NECTIN3: variants seen among roughly 807,000 people sequenced by gnomAD.
The protein encoded by NECTIN3 is nectin-3.
A neutral mutation model predicts 49.4 loss-of-function variants in NECTIN3; 8 were observed. That is an observed-to-expected ratio of 0.16 (90% CI 0.10 to 0.29). The LOEUF (loss-of-function observed/expected upper bound fraction) is 0.29, where lower values mean the gene tolerates loss of function less well. Among genes scored for constraint, NECTIN3 ranks in the 10% least tolerant of loss-of-function variants. NECTIN3 has a pLI of 1.00. For missense variants in NECTIN3, 581 were observed against 654.6 expected, an observed-to-expected ratio of 0.89 and a Z score of 1.23; for synonymous variants, 277 against 241.1, an observed-to-expected ratio of 1.15 and a Z score of -1.38.
intron 1 of NECTIN3, among the ~76,000 whole-genome samples, chr3:111,098,553 T>C (rs2032722725): frequency 6.6e-6 from 1 of 152,196 alleles, no homozygotes; most frequent in African/African-American, 2.4e-5. Flanking sequence ...ACTCTGTGTA[T>C]TTTCTGTAAG....
rs903737212 is a variant in NECTIN3 at position 111,148,752 on chromosome 3, G to C, written c.1221+1268G>C. On this transcript the variant is annotated intron_variant, in intron 7 of 8. Coordinates refer to the NECTIN3 transcript ENST00000493615. ...GATTTTTGGTTTCTTTTTGAACTTT[G>C]CTTCTTAGTTTTTTAGGAACTCTTT... is the stretch of plus-strand genomic sequence containing the variant. 2.6e-5 allele frequency among the ~76,000 whole-genome samples: 4 copies of C among 151,774 alleles called. No homozygotes were observed. In the South Asian group the frequency reaches 8.3e-4, roughly 31 times the overall value.
downstream of NECTIN3, among the ~76,000 whole-genome samples, chr3:111,140,182 C>G (rs1157596322): frequency 6.6e-6 from 1 of 151,648 alleles, no homozygotes; most frequent in Non-Finnish European, 1.5e-5. Flanking sequence ...TCATCCCAAC[C>G]ACTATTTTTA....
chr3:111,106,263 A>G (rs905676640), intron 1 of NECTIN3, among the ~76,000 whole-genome samples: 5 of 152,292 alleles, frequency 3.3e-5, no homozygotes, highest in Admixed American at 1.3e-4. Context: ...CCTGGCACAA[A>G]TTGTTCACCC....
chr3:111,138,930 G>A (rs1408017298), downstream of NECTIN3, among the ~76,000 whole-genome samples: 1 of 151,388 alleles, frequency 6.6e-6, no homozygotes, highest in Non-Finnish European at 1.5e-5. Context: ...AAAAGCCAAA[G>A]GTAGGATCTA....
intron 7 of NECTIN3, among the ~76,000 whole-genome samples, chr3:111,170,713 C>A (rs1388608498): frequency 6.6e-6 from 1 of 152,122 alleles, no homozygotes. Context: ...GCAGTGTGAT[C>A]AGACATTACC....
intron 1 of NECTIN3, among the ~76,000 whole-genome samples, chr3:111,089,539 G>A (rs961497389): frequency 3.3e-5 from 5 of 151,830 alleles, no homozygotes; most frequent in South Asian, 4.2e-4. Context: ...TGAAATTTCC[G>A]TGTCGTCTTT....
intron 1 of NECTIN3, among the ~76,000 whole-genome samples, chr3:111,082,614 C>T (rs906152202): frequency 6.6e-6 from 1 of 152,290 alleles, no homozygotes; most frequent in East Asian, 1.9e-4. Flanking sequence ...AATGTCACAT[C>T]TTAAAGCAGA....
intron 1 of NECTIN3, among the ~76,000 whole-genome samples, chr3:111,193,006 C>G (rs1253773460): frequency 2.0e-5 from 3 of 152,148 alleles, no homozygotes; most frequent in Non-Finnish European, 4.4e-5. Flanking sequence ...TACTACTATT[C>G]TTATTCAGGG....
In NECTIN3 at chr3:111,072,197, C is replaced by T. The variant is rs1473811688; in HGVS notation, c.160+20C>T. The T allele has an allele frequency of 6.5e-7, 1 of 1,535,864 alleles. No individual in the cohort carries two copies. Among genetic ancestry groups the T allele is most frequent in the East Asian group, 2.5e-5 (1 of 40,382 alleles). Reference sequence around the variant, plus strand: ...TCTGTGGTAGGTGAACCTCGGCGGCCGGCGTGGGCTGAGGGAGCCGCCACT... The same window carrying T: ...TCTGTGGTAGGTGAACCTCGGCGGCTGGCGTGGGCTGAGGGAGCCGCCACT... On this transcript the variant is annotated intron_variant, in intron 1 of 5. Transcript: ENST00000485303.
chr3:111,089,352 T>C (rs2107385971), intron 1 of NECTIN3, among the ~76,000 whole-genome samples: 1 of 152,144 alleles, frequency 6.6e-6, no homozygotes, highest in Non-Finnish European at 1.5e-5. Context: ...TTATTTCTTA[T>C]TCTTTTTCTC....
chr3:111,091,840 G>A (rs1263174306), intron 1 of NECTIN3, among the ~76,000 whole-genome samples: 1 of 152,132 alleles, frequency 6.6e-6, no homozygotes, highest in Non-Finnish European at 1.5e-5. Flanking sequence ...TGCTGGAGGT[G>A]TTGCTAATTA....
Position 111,135,532 on chromosome 3 carries a change from G to T in NECTIN3, c.*1317G>T. On this transcript the variant is annotated 3_prime_UTR_variant, in exon 6 of 6. Transcript: ENST00000485303. ...TACAGTGGAGGCTTACAAAATTATT[G>T]TGACAACTATTTTGAAGCTGAAAGG... 1.0e-6 allele frequency: 1 copy of T among 982,420 alleles called. No homozygotes were observed. Among genetic ancestry groups the T allele is most frequent in the Non-Finnish European group, 1.2e-6 (1 of 827,384 alleles). 60.9% of individuals were successfully genotyped at this position (982,420 alleles called of 1,614,324 possible). A position where few individuals can be genotyped will look rare whatever the true frequency, so the allele number is the denominator to read the frequency against.
chr3:111,167,115 T>C (rs1357130978), intron 7 of NECTIN3, among the ~76,000 whole-genome samples: 2 of 152,232 alleles, frequency 1.3e-5, no homozygotes, highest in African/African-American at 4.8e-5. Flanking sequence ...TTTTGCATTT[T>C]GTAGCCACAT....
At chr3:111,072,201 G>T (rs1417256870) in intron 1 of NECTIN3, 24 bp downstream of exon 1, 1 of 1,532,546 alleles carries the variant, frequency 6.5e-7, no homozygotes, top group Non-Finnish European at 8.8e-7. Flanking sequence ...GGCGGCCGGC[G>T]TGGGCTGAGG....
Position 111,112,178 on chromosome 3 carries a change from A to G in NECTIN3, c.309A>G (p.Ala103=), listed in dbSNP as rs376813006. 1.4e-5 allele frequency: 22 copies of G among 1,613,952 alleles called. No individual in the cohort carries two copies. The highest frequency in any genetic ancestry group is 4.4e-5 in the South Asian group (4 of 91,078). Residue 103 remains alanine, a synonymous_variant, in exon 2 of 6, where the codon GCA becomes GCG. Transcript: ENST00000485303. ...ATGGCAAAAGTTCACAGACTGTTGC[A>G]GTTCACCATCCCCAATATGGATTCT... ...KIHGKSSQTV[A]VHHPQYGFSV...
chr3:111,093,265 A>G (rs2107397977), intron 1 of NECTIN3, among the ~76,000 whole-genome samples: 1 of 152,292 alleles, frequency 6.6e-6, no homozygotes, highest in Non-Finnish European at 1.5e-5. Flanking sequence ...ACTTAAAGGA[A>G]TTCCATTTTA....
At chr3:111,140,622 A>C (rs1397882898), downstream of NECTIN3, among the ~76,000 whole-genome samples, 1 of 151,918 alleles carries the variant, frequency 6.6e-6, no homozygotes. Flanking sequence ...TTTACCTGTT[A>C]CATGGGACAC....
chr3:111,094,124 A>G (rs530580344), intron 1 of NECTIN3, among the ~76,000 whole-genome samples: 2 of 151,998 alleles, frequency 1.3e-5, no homozygotes, highest in Admixed American at 6.5e-5. Context: ...TTTATTTTAT[A>G]TATATTGACT....
At chr3:111,074,369 G>C in intron 1 of NECTIN3, 1 of 359,134 alleles carries the variant, frequency 2.8e-6, no homozygotes, top group Non-Finnish European at 5.8e-6. Flanking sequence ...CGTGGAGCCA[G>C]TTTTAGAGTT....
Sources: allele counts gnomAD v4.1 joint callset (sites outside exome capture counted in the v4.1 genomes callset), GRCh38; gene constraint gnomAD v4.1.1; transcripts MANE v1.5; gene names NCBI Gene and HGNC (gene_info 2026-07-23, HGNC 2026-07-21).